The following DUSP13B variants were observed in gnomAD, a reference collection of about 807,000 sequenced individuals.
DUSP13B encodes the protein dual specificity phosphatase 13B.
chr10:75,101,200 GT>G, the DUSP13B span, among the ~76,000 whole-genome samples: 1 of 152,190 alleles, frequency 6.6e-6, no homozygotes, highest in South Asian at 2.1e-4. Context: ...GAAATCTCAG[GT>G]CTGGTACTTG....
At chr10:75,101,099 C>T in the DUSP13B span, among the ~76,000 whole-genome samples, 2 of 152,180 alleles carry the variant, frequency 1.3e-5, no homozygotes, top group Non-Finnish European at 2.9e-5. Flanking sequence ...GGGGAGAAGG[C>T]CTGCAGAAGG....
the DUSP13B span, chr10:75,108,185 C>T: frequency 6.2e-7 from 1 of 1,608,422 alleles, no homozygotes; most frequent in African/African-American, 1.3e-5. Flanking sequence ...GCTTCCACAG[C>T]TCAAAGCGGT....
At chr10:75,107,589 C>CG in the DUSP13B span, among the ~76,000 whole-genome samples, 620 of 150,482 alleles carry the variant, frequency 4.1e-3, 5 homozygotes, top group African/African-American at 0.013. Flanking sequence ...TTTTTTTTGG[C>CG]GGGGGGGGAT....
At chr10:75,108,922 G>C in the DUSP13B span, 1 of 1,495,400 alleles carries the variant, frequency 6.7e-7, no homozygotes, top group South Asian at 1.3e-5. Context: ...ATTTCTCCTT[G>C]TTTCCACCCT....
chr10:75,105,354 C>A, the DUSP13B span, among the ~76,000 whole-genome samples: 1 of 152,190 alleles, frequency 6.6e-6, no homozygotes, highest in Non-Finnish European at 1.5e-5. Flanking sequence ...CCATTTTATG[C>A]TTTCCACACC....
chr10:75,097,372 C>T, the DUSP13B span, among the ~76,000 whole-genome samples: 189 of 152,266 alleles, frequency 1.2e-3, no homozygotes, highest in Non-Finnish European at 2.4e-3. Flanking sequence ...CCACACCTGG[C>T]TAATTTTTTG....
At chr10:75,094,791 A>G in the DUSP13B span, 1 of 1,614,002 alleles carries the variant, frequency 6.2e-7, no homozygotes. Context: ...GGCCTCTACC[A>G]GCGTCATGTT....
the DUSP13B span, among the ~76,000 whole-genome samples, chr10:75,107,687 C>G: frequency 6.6e-6 from 1 of 152,170 alleles, no homozygotes; most frequent in Non-Finnish European, 1.5e-5. Context: ...AGCAATTCTC[C>G]TGCCTCAGCC....
At chr10:75,108,227 G>A in the DUSP13B span, 1 of 1,578,934 alleles carries the variant, frequency 6.3e-7, no homozygotes, top group East Asian at 2.2e-5. Context: ...GGGCAGGAAG[G>A]GCACTTGATG....
At chr10:75,105,645 C>T in the DUSP13B span, 3 of 1,545,670 alleles carry the variant, frequency 1.9e-6, no homozygotes, top group Admixed American at 3.9e-5. Context: ...TCCAGCTTTG[C>T]CCCCTGAGGC....
chr10:75,094,529 A>G, the DUSP13B span: 5 of 813,556 alleles, frequency 6.1e-6, no homozygotes, highest in Non-Finnish European at 1.9e-6. Context: ...ACCCGCTAAG[A>G]GGTCACCACC....
the DUSP13B span, chr10:75,095,678 C>A: frequency 1.2e-6 from 2 of 1,614,228 alleles, no homozygotes; most frequent in East Asian, 4.5e-5. Flanking sequence ...CATAGTACTC[C>A]AGGGACATTC....
chr10:75,104,155 G>A, the DUSP13B span: 2 of 1,230,398 alleles, frequency 1.6e-6, no homozygotes. Flanking sequence ...AGGCTGGCTG[G>A]GACTTGTTGG....
At chr10:75,094,793 C>T in the DUSP13B span, 219 of 1,614,182 alleles carry the variant, frequency 1.4e-4, no homozygotes, top group African/African-American at 5.9e-4. Context: ...CCTCTACCAG[C>T]GTCATGTTCT....
At chr10:75,108,949 C>A in the DUSP13B span, 5 of 1,536,368 alleles carry the variant, frequency 3.3e-6, no homozygotes, top group Middle Eastern at 1.8e-4. Context: ...TCTGGTAAAG[C>A]GACCAAGAAC....
the DUSP13B span, chr10:75,099,278 G>T: frequency 1.6e-6 from 2 of 1,232,284 alleles, no homozygotes; most frequent in African/African-American, 1.5e-5. Flanking sequence ...GCAGTGCCAG[G>T]ACCAGAAAAA....
At chr10:75,102,784 C>G in the DUSP13B span, among the ~76,000 whole-genome samples, 8 of 152,056 alleles carry the variant, frequency 5.3e-5, no homozygotes, top group Non-Finnish European at 7.4e-5. Flanking sequence ...GAAAACCTGC[C>G]TCTACTAAAA....
the DUSP13B span, chr10:75,094,605 A>G: frequency 1.9e-6 from 3 of 1,538,684 alleles, no homozygotes; most frequent in Non-Finnish European, 2.7e-6. Flanking sequence ...TAGAAACAGC[A>G]GAGCCTGCTG....
At chr10:75,097,928 A>G in the DUSP13B span, 1 of 1,512,534 alleles carries the variant, frequency 6.6e-7, no homozygotes, top group African/African-American at 1.4e-5. Context: ...GCAGGCTCCC[A>G]GAGGGTGGAT....
Sources: allele counts gnomAD v4.1 joint callset (sites outside exome capture counted in the v4.1 genomes callset), GRCh38; gene constraint gnomAD v4.1.1; transcripts MANE v1.5; gene names NCBI Gene and HGNC (gene_info 2026-07-23, HGNC 2026-07-21).